The following CMSS1 variants were observed in gnomAD, a reference collection of about 807,000 sequenced individuals.
The protein encoded by CMSS1 is cms1 ribosomal small subunit homolog.
CMSS1 carries 33 observed loss-of-function variants against 43.5 expected under a neutral mutation model. The ratio of observed to expected loss-of-function variants is 0.76; its 90% confidence interval spans 0.57 to 1.01. The LOEUF (loss-of-function observed/expected upper bound fraction) is 1.01, where lower values mean the gene tolerates loss of function less well. Among genes scored for constraint, CMSS1 ranks in the 50% least tolerant of loss-of-function variants. The pLI, the probability that CMSS1 is intolerant of heterozygous loss-of-function variation, is 0.00. For missense variants in CMSS1, 313 were observed against 326.4 expected (o/e 0.96, Z 0.32); for synonymous variants, 115 against 117.2 (o/e 0.98, Z 0.12).
At chr3:100,000,134 A>T (rs1285600577) in intron 1 of CMSS1, among the ~76,000 whole-genome samples, 1 of 152,178 alleles carries the variant, frequency 6.6e-6, no homozygotes, top group Non-Finnish European at 1.5e-5. Flanking sequence ...TCAAGACCAG[A>T]ACACTTTACA....
chr3:100,151,793 C>T (rs766806425), intron 2 of CMSS1, among the ~76,000 whole-genome samples: 16 of 152,314 alleles, frequency 1.1e-4, no homozygotes, highest in Admixed American at 3.9e-4. Flanking sequence ...AGAATATACT[C>T]ACCCCTCCAA....
chr3:99,936,369 CTTTTTTTT>C (rs548149257), intron 1 of CMSS1, among the ~76,000 whole-genome samples: 4 of 86,384 alleles, frequency 4.6e-5, no homozygotes, highest in African/African-American at 1.4e-4. Context: ...AGCTTGAAGC[CTTTTTTTT>C]TTTTTTTTTT....
At chr3:99,823,558 G>T (rs960512818) in intron 1 of CMSS1, among the ~76,000 whole-genome samples, 2 of 151,718 alleles carry the variant, frequency 1.3e-5, no homozygotes, top group Non-Finnish European at 2.9e-5. Context: ...ATTTTTCTTC[G>T]CTCTGCCTCC....
chr3:100,127,616 G>T (rs2066673435), intron 1 of CMSS1, among the ~76,000 whole-genome samples: 1 of 152,108 alleles, frequency 6.6e-6, no homozygotes, highest in Non-Finnish European at 1.5e-5. Flanking sequence ...GTTCCCAGTG[G>T]GATTTGGGGA....
intron 1 of CMSS1, among the ~76,000 whole-genome samples, chr3:99,936,369 C>CTTTTT (rs548149257): frequency 5.4e-4 from 47 of 86,366 alleles, no homozygotes; most frequent in Admixed American, 6.9e-4. Flanking sequence ...AGCTTGAAGC[C>CTTTTT]TTTTTTTTTT....
rs180766459 is a variant in CMSS1 at position 99,864,379 on chromosome 3, T to G, written c.64+46336T>G. Among the ~76,000 whole-genome samples the G allele has an allele frequency of 4.4e-4, 67 of 152,278 alleles. 1 individual carries two copies. Among genetic ancestry groups the G allele is most frequent in the Middle Eastern group, 3.4e-3 (1 of 294 alleles). On this transcript the variant is annotated intron_variant, in intron 1 of 9. Coordinates refer to ENST00000421999, the MANE Select transcript of CMSS1 (RefSeq NM_032359.4). ...GTGCCACTAGATCTCACTTAATACT[T>G]ATAGCAACTGTATGAGCTAAGTATT...
intron 4 of CMSS1, 42 bp from the exon 5 acceptor site, chr3:100,166,293 G>A (rs1292758749): frequency 3.0e-6 from 4 of 1,327,912 alleles, no homozygotes; most frequent in Non-Finnish European, 4.3e-6. Context: ...TTGTGTGTGT[G>A]TTTACAAAAT....
intron 1 of CMSS1, among the ~76,000 whole-genome samples, chr3:99,984,042 A>G (rs555568596): frequency 1.9e-4 from 3 of 15,522 alleles, no homozygotes; most frequent in African/African-American, 1.3e-3. Context: ...ATGAAAAAGG[A>G]TGTATATGTA....
At chr3:99,876,118 T>G in intron 1 of CMSS1, 1 of 986,050 alleles carries the variant, frequency 1.0e-6, no homozygotes, top group Non-Finnish European at 1.2e-6. Flanking sequence ...CCGGGGCCGC[T>G]GTAGTGCCGC....
chr3:100,085,498 C>CT (rs1443424292), intron 1 of CMSS1, among the ~76,000 whole-genome samples: 1 of 152,168 alleles, frequency 6.6e-6, no homozygotes. Context: ...AGTTCCTTTG[C>CT]TTTTTTATCT....
intron 1 of CMSS1, among the ~76,000 whole-genome samples, chr3:100,029,087 G>T (rs1305547729): frequency 6.6e-6 from 1 of 152,010 alleles, no homozygotes; most frequent in Admixed American, 6.6e-5. Context: ...GCTACCCTGG[G>T]AGCTGAGGCA....
chr3:99,817,938 G>A lies in CMSS1; in HGVS notation c.-42G>A, dbSNP rs750883132. 3 of 1,603,532 alleles carry A rather than the reference G, an allele frequency of 1.9e-6. No individual in the cohort carries two copies. Among genetic ancestry groups the A allele is most frequent in the Non-Finnish European group, 2.6e-6 (3 of 1,170,996 alleles). On this transcript the variant is annotated 5_prime_UTR_variant, in exon 1 of 10. Transcript: ENST00000421999. The stretch of plus-strand genomic sequence containing the variant: ...ACAACGTGATTCTCCGCAGCTGGTC[G>A]CCTACCCGTGATGTTCTGCCCACGT...
chr3:100,088,790 T>A (rs1421932004), intron 1 of CMSS1, among the ~76,000 whole-genome samples: 1 of 152,196 alleles, frequency 6.6e-6, no homozygotes, highest in Admixed American at 6.5e-5. Flanking sequence ...TCTGCCCCAC[T>A]TTTTTGTATC....
intron 1 of CMSS1, among the ~76,000 whole-genome samples, chr3:100,001,950 T>C (rs1308194031): frequency 1.2e-4 from 18 of 152,180 alleles, no homozygotes; most frequent in Admixed American, 5.2e-4. Context: ...GACATCTGGT[T>C]TTCATCTCCA....
At chr3:99,937,269 A>G (rs1176846163) in intron 1 of CMSS1, among the ~76,000 whole-genome samples, 2 of 152,188 alleles carry the variant, frequency 1.3e-5, no homozygotes, top group Non-Finnish European at 2.9e-5. Context: ...CCAATCTCCA[A>G]TTTGTTGAAT....
intron 1 of CMSS1, among the ~76,000 whole-genome samples, chr3:99,886,892 C>A (rs1437970842): frequency 6.6e-6 from 1 of 151,434 alleles, no homozygotes; most frequent in Non-Finnish European, 1.5e-5. Context: ...ATCGCTTGAA[C>A]CTGGGAGGCA....
intron 1 of CMSS1, among the ~76,000 whole-genome samples, chr3:100,014,807 A>ATTT (rs201338660): frequency 2.8e-4 from 18 of 64,562 alleles, no homozygotes; most frequent in African/African-American, 9.6e-4. Context: ...CATTCTATTG[A>ATTT]TTTTTTTTTT....
chr3:100,070,823 G>A lies in CMSS1; in HGVS notation c.65-76150G>A, dbSNP rs147363919. Among the ~76,000 whole-genome samples, 1,100 of 152,248 alleles carry A rather than the reference G, an allele frequency of 7.2e-3. 18 individuals are homozygous for A. The highest frequency in any genetic ancestry group is 0.024 in the African/African-American group (1,014 of 41,528). On this transcript the variant is annotated intron_variant, in intron 1 of 9. Coordinates refer to ENST00000421999, the MANE Select transcript of CMSS1 (RefSeq NM_032359.4). ...ATTTTGTATTTTTAGTAGAGACCGGGTCTCACCATGTTGGCCAGGATATTC... is the reference window on the plus strand; with the variant it reads ...ATTTTGTATTTTTAGTAGAGACCGGATCTCACCATGTTGGCCAGGATATTC...
At chr3:100,153,366 G>T (rs926519471) in intron 2 of CMSS1, among the ~76,000 whole-genome samples, 8 of 152,236 alleles carry the variant, frequency 5.3e-5, no homozygotes, top group Admixed American at 4.6e-4. Context: ...CTCCATGTCA[G>T]TGTATAGTAT....
Sources: allele counts gnomAD v4.1 joint callset (sites outside exome capture counted in the v4.1 genomes callset), GRCh38; gene constraint gnomAD v4.1.1; transcripts MANE v1.5; gene names NCBI Gene and HGNC (gene_info 2026-07-23, HGNC 2026-07-21).